The following APOBEC3D variants were observed in gnomAD, a reference collection of about 807,000 sequenced individuals.
APOBEC3D encodes the protein apolipoprotein B mRNA editing enzyme catalytic subunit 3D.
A neutral mutation model predicts 45.6 loss-of-function variants in APOBEC3D; 37 were observed. The ratio of observed to expected loss-of-function variants is 0.81; its 90% CI spans 0.62 to 1.07. APOBEC3D has a LOEUF of 1.07. Among genes scored for constraint, APOBEC3D ranks in the 50% least tolerant of loss-of-function variants. The pLI, the probability that APOBEC3D is intolerant of heterozygous loss-of-function variation, is 0.00. For synonymous variants in APOBEC3D, 175 were observed against 180.7 expected (o/e 0.97, Z 0.25); for missense variants, 496 against 495.3 (o/e 1.00, Z -0.01).
At position 39,025,653 on chromosome 22, in the gene APOBEC3D, C is replaced by T. The variant is rs776326105; in HGVS notation, c.587C>T (p.Thr196Met). Residue 196 changes from threonine to methionine, a missense_variant, in exon 4 of 7, where the codon ACG (threonine) becomes ATG (methionine). Thr to Met is a moderately conservative substitution (Grantham distance 81, BLOSUM62 -1). Transcript: ENST00000216099. ...GACAATTATGCATCCCTGCACCGCA[C>T]GCTAAAGGAGATTCTCAGGTGAGGG... ...FDDNYASLHR[T>M]LKEILRNPME... The T allele has an allele frequency of 2.4e-5, 38 of 1,613,998 alleles. No individual in the cohort carries two copies. The highest frequency in any genetic ancestry group is 1.2e-4 in the Admixed American group (7 of 60,004).
At chr22:39,022,046 G>A (rs766028241) in intron 1 of APOBEC3D, among the ~76,000 whole-genome samples, 2 of 152,226 alleles carry the variant, frequency 1.3e-5, no homozygotes, top group Non-Finnish European at 2.9e-5. Context: ...GTCAGCAGAT[G>A]TCCCCAGACA....
chr22:39,029,614 A>G (rs1053217127), intron 5 of APOBEC3D, 95 bp downstream of exon 5: 2 of 1,391,828 alleles, frequency 1.4e-6, no homozygotes, highest in Admixed American at 2.2e-5. Flanking sequence ...GGGCTCTGCT[A>G]TGTGTACTTT....
chr22:39,025,752 TCCTGCCCTCCGTCCTGCCCCCCTG>T, intron 4 of APOBEC3D, 81 bp downstream of exon 4: 1 of 1,598,506 alleles, frequency 6.3e-7, no homozygotes, highest in Non-Finnish European at 8.5e-7. Flanking sequence ...GGCTGGGCCC[TCCTGCCCTCCGTCCTGCCCCCCTG>T]CCTGCCCTCA....
At position 39,023,823 on chromosome 22, in the gene APOBEC3D, C is replaced by T. The variant is rs1925366751; in HGVS notation, c.210+809C>T. Among the ~76,000 whole-genome samples, 5 of 152,104 alleles carry T rather than the reference C, an allele frequency of 3.3e-5. No homozygotes were observed. In the South Asian group the frequency reaches 1.0e-3, roughly 32 times the overall value. ...CGCCCCGGCCACCGCCCGGATTCCT[C>T]CTTGGCAAAGATGCCTCATCACAGT... On this transcript the variant is annotated intron_variant, in intron 2 of 6. Coordinates refer to ENST00000216099, the MANE Select transcript of APOBEC3D (RefSeq NM_152426.4).
chr22:39,022,256 T>C (rs867363498), intron 1 of APOBEC3D, among the ~76,000 whole-genome samples: 9 of 152,228 alleles, frequency 5.9e-5, no homozygotes, highest in African/African-American at 2.2e-4. Flanking sequence ...CTGCTCCAAC[T>C]GTCCCCAGCT....
At chr22:39,030,739 C>G (rs1315285311) in intron 5 of APOBEC3D, among the ~76,000 whole-genome samples, 4 of 152,076 alleles carry the variant, frequency 2.6e-5, no homozygotes, top group Non-Finnish European at 5.9e-5. Flanking sequence ...AGGCAGACCC[C>G]ATAGGACCAG....
At position 39,030,616 on chromosome 22, in the gene APOBEC3D, C is replaced by T. The variant is rs545897031; in HGVS notation, c.763-1078C>T. On this transcript the variant is annotated intron_variant, in intron 5 of 6. Transcript: ENST00000216099. ...GCGCTGTGTATTTTACACGTGCCAA[C>T]GTTTCTAATCAGAGCCCCATTTCAA... Among the ~76,000 whole-genome samples the T allele has an allele frequency of 5.3e-5, 8 of 152,072 alleles. No individual in the cohort carries two copies. The East Asian group carries it at 1.2e-3, about 22-fold the overall frequency.
chr22:39,026,681 T>C (rs1320393097), intron 4 of APOBEC3D, among the ~76,000 whole-genome samples: 4 of 151,052 alleles, frequency 2.6e-5, no homozygotes, highest in African/African-American at 9.8e-5. Context: ...CTCAAATCCC[T>C]CCCACAGGGA....
At chr22:39,024,064 T>C (rs2146318400) in intron 2 of APOBEC3D, among the ~76,000 whole-genome samples, 1 of 152,232 alleles carries the variant, frequency 6.6e-6, no homozygotes, top group East Asian at 1.9e-4. Context: ...GTGTTTCCAG[T>C]CCCCACACGC....
Position 39,032,320 on chromosome 22 carries a change from G to T in APOBEC3D, c.*4G>T. On this transcript the variant is annotated 3_prime_UTR_variant, in exon 7 of 7. Transcript: ENST00000216099. ...GCTACGGGAGATTCTCCAGTGAGGG[G>T]TCTCCCTGGGCCTCATGGTCTGTCT... is the stretch of plus-strand genomic sequence containing the variant. The T allele has an allele frequency of 3.1e-6, 5 of 1,613,864 alleles. No individual in the cohort carries two copies. Among genetic ancestry groups the T allele is most frequent in the Non-Finnish European group, 4.2e-6 (5 of 1,179,876 alleles).
At chr22:39,031,060 G>A (rs1000485119) in intron 5 of APOBEC3D, among the ~76,000 whole-genome samples, 22 of 152,142 alleles carry the variant, frequency 1.4e-4, no homozygotes, top group African/African-American at 2.7e-4. Context: ...TAGCTACTCC[G>A]GAGGCTGAGG....
rs11445446 is a variant in APOBEC3D at position 39,033,049 on chromosome 22, C to CA, written c.*742dup. ...GCCACACGACAAAGCCCCATTTCTA[C>CA]AAAAAAAAATACCAAAAAAAAGCCA... is the stretch of plus-strand genomic sequence containing the variant. On this transcript the variant is annotated 3_prime_UTR_variant, in exon 7 of 7. Coordinates refer to ENST00000216099, the MANE Select transcript of APOBEC3D (RefSeq NM_152426.4). The CA allele has an allele frequency of 0.55, 82,006 of 150,418 alleles. 22,729 individuals are homozygous for CA. Among genetic ancestry groups the CA allele is most frequent in the East Asian group, 0.68 (3,479 of 5,088 alleles). The allele number at this position is 150,418 out of a possible 1,614,324, so 9.3% of individuals were successfully genotyped here.
intron 5 of APOBEC3D, 86 bp downstream of exon 5, chr22:39,029,605 G>T (rs1926008368): frequency 2.6e-6 from 4 of 1,521,584 alleles, no homozygotes; most frequent in South Asian, 2.4e-5. Flanking sequence ...GCCCCGCGTG[G>T]GCTCTGCTAT....
rs1421506248 is a variant in APOBEC3D at position 39,021,300 on chromosome 22, G to A, written c.-220G>A. The A allele has an allele frequency of 9.6e-6, 5 of 523,170 alleles. No homozygotes were observed. The highest frequency in any genetic ancestry group is 3.1e-5 in the Admixed American group (1 of 32,108). The allele number at this position is 523,170 out of a possible 1,614,324, so 32.4% of individuals were successfully genotyped here. ...TTTTTGTATTTTTAGTAGAGACGGG[G>A]TTTCTCCATGTTGGTCAGGCTGGTC... On this transcript the variant is annotated 5_prime_UTR_variant, in exon 1 of 7. Transcript: ENST00000216099.
chr22:39,025,253 G>T lies in APOBEC3D; in HGVS notation c.394G>T (p.Ala132Ser), dbSNP rs1925519226. 6.2e-7 allele frequency: 1 copy of T among 1,614,094 alleles called. No homozygotes were observed. The highest frequency in any genetic ancestry group is 8.5e-7 in the Non-Finnish European group (1 of 1,179,998). ...CCCCAATGTCACCCTGACCATCTCT[G>T]CCGCCCGCCTCTACTACTACCGGGA... Reference protein sequence around the residue: ...EHPNVTLTISAARLYYYRDRD... With the variant: ...EHPNVTLTISSARLYYYRDRD... The change falls in exon 3 of 7, where the codon GCC becomes TCC. Residue 132 changes from alanine to serine, a missense_variant. Transcript: ENST00000216099.
At position 39,021,367 on chromosome 22, in the gene APOBEC3D, A is replaced by C. The variant is rs572597532; in HGVS notation, c.-153A>C. ...GTGATCCGCCCGCCTCGGCCTCCCAAAGTGCTGGGATTACAGGCGTGAGCC... is the reference window on the plus strand; with the variant it reads ...GTGATCCGCCCGCCTCGGCCTCCCACAGTGCTGGGATTACAGGCGTGAGCC... On this transcript the variant is annotated 5_prime_UTR_variant, in exon 1 of 7. Transcript: ENST00000216099. 6.9e-6 allele frequency: 7 copies of C among 1,013,558 alleles called. No individual in the cohort carries two copies. The African/African-American group carries it at 1.1e-4, about 16-fold the overall frequency. The allele number at this position is 1,013,558 out of a possible 1,614,324, so 62.8% of individuals were successfully genotyped here.
At chr22:39,026,889 T>C (rs555427800) in intron 4 of APOBEC3D, among the ~76,000 whole-genome samples, 16 of 152,176 alleles carry the variant, frequency 1.1e-4, no homozygotes, top group African/African-American at 3.6e-4. Context: ...GTACCTGGGA[T>C]TACAGGCTCA....
chr22:39,030,473 G>C (rs1425685993), intron 5 of APOBEC3D, among the ~76,000 whole-genome samples: 3 of 152,228 alleles, frequency 2.0e-5, no homozygotes, highest in Non-Finnish European at 2.9e-5. Context: ...ACTCGTGGAA[G>C]AAATTTTAGT....
intron 4 of APOBEC3D, 134 bp downstream of exon 4, chr22:39,025,805 C>T (rs1925599058): frequency 6.5e-7 from 1 of 1,531,984 alleles, no homozygotes; most frequent in Non-Finnish European, 8.8e-7. Context: ...CCCCCTCACC[C>T]ACACTCCTCA....
Sources: allele counts gnomAD v4.1 joint callset (sites outside exome capture counted in the v4.1 genomes callset), GRCh38; gene constraint gnomAD v4.1.1; transcripts MANE v1.5; gene names NCBI Gene and HGNC (gene_info 2026-07-23, HGNC 2026-07-21).